The following LRMDA variants were observed in gnomAD, a reference collection of about 807,000 sequenced individuals.
LRMDA encodes leucine-rich melanocyte differentiation-associated protein.
A neutral mutation model predicts 29.8 loss-of-function variants in LRMDA; 18 were observed. That is an observed-to-expected ratio of 0.60 (90% confidence interval 0.42 to 0.90). The LOEUF is 0.90. Ranked by LOEUF, LRMDA falls within the 40% of genes least tolerant of loss-of-function variation. LRMDA has a pLI of 0.00. For synonymous variants in LRMDA, 125 were observed against 109.4 expected (o/e 1.14, Z -0.89); for missense variants, 273 against 273.9 (o/e 1.00, Z 0.02).
At chr10:75,939,355 T>C (rs1200918870) in intron 2 of LRMDA, among the ~76,000 whole-genome samples, 1 of 152,126 alleles carries the variant, frequency 6.6e-6, no homozygotes, top group East Asian at 1.9e-4. Flanking sequence ...GACTTTGTTG[T>C]TGTTTTTGGT....
At chr10:76,258,706 T>C (rs1839897297) in intron 5 of LRMDA, among the ~76,000 whole-genome samples, 1 of 152,160 alleles carries the variant, frequency 6.6e-6, no homozygotes, top group Admixed American at 6.5e-5. Flanking sequence ...AGTGAGAACA[T>C]GTGGTGTTTA....
intron 2 of LRMDA, among the ~76,000 whole-genome samples, chr10:75,901,240 G>T (rs1845667038): frequency 6.6e-6 from 1 of 152,092 alleles, no homozygotes; most frequent in Non-Finnish European, 1.5e-5. Context: ...CAGATTTATG[G>T]CCTGGCATGT....
chr10:75,645,662 C>T (rs1180565391), intron 2 of LRMDA, among the ~76,000 whole-genome samples: 1 of 152,046 alleles, frequency 6.6e-6, no homozygotes, highest in East Asian at 1.9e-4. Flanking sequence ...GGGGTGGACG[C>T]AGGCGGGAAA....
intron 5 of LRMDA, among the ~76,000 whole-genome samples, chr10:76,295,596 G>A (rs1840401610): frequency 2.0e-5 from 3 of 152,178 alleles, no homozygotes; most frequent in African/African-American, 7.2e-5. Context: ...CTTTGCTTTT[G>A]TGGTAGTGTC....
chr10:75,988,135 C>T (rs1163484216), intron 2 of LRMDA, among the ~76,000 whole-genome samples: 4 of 152,190 alleles, frequency 2.6e-5, no homozygotes, highest in Non-Finnish European at 4.4e-5. Context: ...CTTGCGCTGA[C>T]ACCAAATGCT....
chr10:76,365,062 G>GTA (rs146552376), intron 6 of LRMDA, among the ~76,000 whole-genome samples: 24,948 of 93,280 alleles, frequency 0.27, 4,100 homozygotes, highest in Non-Finnish European at 0.36. Flanking sequence ...GTATTCCATC[G>GTA]TATATATATA....
chr10:75,513,243 G>C (rs531021639), intron 2 of LRMDA, among the ~76,000 whole-genome samples: 1 of 152,102 alleles, frequency 6.6e-6, no homozygotes, highest in Non-Finnish European at 1.5e-5. Context: ...TTTGTTTCTC[G>C]TTCCATTCCA....
intron 5 of LRMDA, among the ~76,000 whole-genome samples, chr10:76,114,617 G>C (rs1352779819): frequency 1.3e-5 from 2 of 152,182 alleles, no homozygotes; most frequent in African/African-American, 4.8e-5. Context: ...GTTTACATAG[G>C]TAGGAGAGTC....
At chr10:76,279,887 G>A (rs1840181712) in intron 5 of LRMDA, among the ~76,000 whole-genome samples, 1 of 152,156 alleles carries the variant, frequency 6.6e-6, no homozygotes, top group South Asian at 2.1e-4. Flanking sequence ...AGGAGACTGA[G>A]GCACTGAGAA....
intron 2 of LRMDA, among the ~76,000 whole-genome samples, chr10:75,589,926 G>T (rs1840701928): frequency 6.6e-6 from 1 of 151,600 alleles, no homozygotes; most frequent in Admixed American, 6.6e-5. Context: ...CACATTTTTG[G>T]GTTCACATTT....
intron 2 of LRMDA, among the ~76,000 whole-genome samples, chr10:75,462,849 G>A (rs1387580197): frequency 6.6e-6 from 1 of 152,172 alleles, no homozygotes; most frequent in African/African-American, 2.4e-5. Flanking sequence ...ATTTGCATGT[G>A]TTTTGAGATA....
chr10:76,348,140 A>G (rs946736412), intron 6 of LRMDA, among the ~76,000 whole-genome samples: 1 of 152,132 alleles, frequency 6.6e-6, no homozygotes, highest in Non-Finnish European at 1.5e-5. Flanking sequence ...TTCAATGAAA[A>G]ACAGAGATTA....
intron 5 of LRMDA, among the ~76,000 whole-genome samples, chr10:76,220,184 A>G (rs1851804252): frequency 6.6e-6 from 1 of 152,154 alleles, no homozygotes; most frequent in South Asian, 2.1e-4. Flanking sequence ...CAAAATTGAC[A>G]CCCTAACATC....
chr10:76,492,752 C>A (rs1471508748), intron 6 of LRMDA, among the ~76,000 whole-genome samples: 8 of 151,978 alleles, frequency 5.3e-5, no homozygotes, highest in African/African-American at 1.9e-4. Flanking sequence ...CTTCACAGGG[C>A]AGAAGGAGAG....
At chr10:76,136,165 AT>A (rs1850090486) in intron 5 of LRMDA, among the ~76,000 whole-genome samples, 1 of 152,304 alleles carries the variant, frequency 6.6e-6, no homozygotes, top group East Asian at 1.9e-4. Context: ...TACCAGGAAA[AT>A]TTACTAATTT....
At position 75,863,973 on chromosome 10, in the gene LRMDA, C is replaced by T. The variant is rs971846794; in HGVS notation, c.132-172035C>T. 2.0e-5 allele frequency among the ~76,000 whole-genome samples: 3 copies of T among 152,172 alleles called. No individual in the cohort carries two copies. The East Asian group carries it at 5.8e-4, about 29-fold the overall frequency. On this transcript the variant is annotated intron_variant, in intron 2 of 6. Coordinates refer to ENST00000611255, the MANE Select transcript of LRMDA (RefSeq NM_001305581.2). ...ATTTGAAGCTTTGCCTCAGTCTTCT[C>T]ATCTATCATGTGGGTTTAATGTTAC...
intron 2 of LRMDA, among the ~76,000 whole-genome samples, chr10:75,896,330 T>G (rs1195911657): frequency 6.6e-6 from 1 of 152,218 alleles, no homozygotes; most frequent in Non-Finnish European, 1.5e-5. Flanking sequence ...ATTACCTAAC[T>G]TGTGGGTTGA....
chr10:76,199,260 T>C (rs148821699), intron 5 of LRMDA, among the ~76,000 whole-genome samples: 13 of 152,182 alleles, frequency 8.5e-5, no homozygotes, highest in African/African-American at 3.1e-4. Flanking sequence ...TTCTCAAACA[T>C]GTTCAAGAAG....
intron 2 of LRMDA, among the ~76,000 whole-genome samples, chr10:75,691,225 TA>T (rs1436001259): frequency 1.4e-5 from 2 of 141,954 alleles, no homozygotes; most frequent in Admixed American, 6.9e-5. Context: ...TATATACACA[TA>T]TATGTGTGTG....
Sources: allele counts gnomAD v4.1 joint callset (sites outside exome capture counted in the v4.1 genomes callset), GRCh38; gene constraint gnomAD v4.1.1; transcripts MANE v1.5; gene names NCBI Gene and HGNC (gene_info 2026-07-23, HGNC 2026-07-21).